Variants in PSMB10 observed in about 807,000 individuals in gnomAD.
PSMB10 encodes proteasome 20S subunit beta 10, also known as proteasome subunit beta type-10.
Under a neutral mutation model 29.8 loss-of-function variants are expected in PSMB10, and 29 were observed. That is an observed-to-expected ratio of 0.97 (90% CI 0.73 to 1.33). The LOEUF is 1.33. Among genes scored for constraint, PSMB10 ranks in the 40% most tolerant of loss-of-function variants. The probability of loss-of-function intolerance (pLI) is 0.00; values close to 1 mark genes in which losing one functional copy is unlikely to be tolerated. For missense variants in PSMB10, 327 were observed against 369.2 expected (o/e 0.89, Z 0.94); for synonymous variants, 157 against 164.7 (o/e 0.95, Z 0.36).
chr16:67,934,960 GGT>G lies in PSMB10; in HGVS notation c.559-14_559-13del, dbSNP rs2151318147. ...TGAGCAGCCTCCAGCTGCGGTGATG[GGT>G]GTGTGAGACCTAACGGGCTCTCTCT... On this transcript the variant is annotated splice_polypyrimidine_tract_variant and intron_variant, in intron 6 of 7. Transcript: ENST00000358514. This position sits in a 1 kb window ranked among gnomAD's most constrained non-coding sequence, Gnocchi z 4.3. The G allele has an allele frequency of 6.2e-7, 1 of 1,608,556 alleles. No homozygotes were observed. The highest frequency in any genetic ancestry group is 2.2e-5 in the East Asian group (1 of 44,884).
rs143136757 is a variant in PSMB10, at chr16:67,936,476, T to C, written c.66A>G (p.Ser22=). ...FSFENCQRNA[S]LERVLPGLKV... is the part of the protein sequence containing the mutation. ...TGAGCCCCGGGAGGACGCGTTCCAA[T>C]GATGCATTTCTGGAAACGGAGGAGG... Residue 22 remains serine, a synonymous_variant, in exon 2 of 8, where the codon TCA becomes TCG. Coordinates refer to ENST00000358514, the MANE Select transcript of PSMB10 (RefSeq NM_002801.4). 8 of 1,613,098 alleles carry C rather than the reference T, an allele frequency of 5.0e-6. No homozygotes were observed. In the African/African-American group the frequency reaches 8.0e-5, roughly 16 times the overall value.
intron 6 of PSMB10, 110 bp from the exon 7 acceptor site, chr16:67,935,058 C>A: frequency 7.1e-7 from 1 of 1,407,700 alleles, no homozygotes; most frequent in Non-Finnish European, 9.6e-7. Context: ...CCTCCAAACC[C>A]CCACTGTGTT....
chr16:67,936,295 G>T lies in PSMB10; in HGVS notation c.162C>A (p.Gly54=), dbSNP rs750076945. Residue 54 remains glycine, a synonymous_variant, in exon 3 of 8, where the codon GGC becomes GGA. Transcript: ENST00000358514. ...AATCGTTAGTGGCTCGCGTATCGGC[G>T]CCCAGAATGACCCCGTCCTGAGGAG... ...GLVFQDGVIL[G]ADTRATNDSV... The T allele has an allele frequency of 1.5e-5, 24 of 1,613,262 alleles. No homozygotes were observed. The highest frequency in any genetic ancestry group is 1.9e-5 in the Non-Finnish European group (22 of 1,179,902).
chr16:67,936,058 C>T lies in PSMB10; in HGVS notation c.288G>A (p.Arg96=). The change falls in exon 4 of 8, where the codon CGG becomes CGA. Residue 96 remains arginine (R), a synonymous_variant. Coordinates refer to ENST00000358514, the MANE Select transcript of PSMB10 (RefSeq NM_002801.4). ...GVAADAEMTT[R]MVASKMELHA... ...GTAGCTCCATCTTGGACGCCACCAT[C>T]CGTGTGGTCATCTCGGCGTCCGCGG... 6.2e-7 allele frequency: 1 copy of T among 1,612,600 alleles called. No homozygotes were observed. The highest frequency in any genetic ancestry group is 1.1e-5 in the South Asian group (1 of 91,078).
rs566999315 is a variant in PSMB10 at position 67,935,129 on chromosome 16, C to G, written c.559-181G>C. The G allele has an allele frequency of 4.9e-6, 4 of 817,216 alleles. No individual in the cohort carries two copies. The East Asian group carries it at 1.1e-4, about 22-fold the overall frequency. 50.6% of individuals were successfully genotyped at this position (817,216 alleles called of 1,614,324 possible). ...TCACCTGCTTCCATCCCACCCCAAA[C>G]AAAATCTAGGCTCCAGACGTTGATA... is the stretch of plus-strand genomic sequence containing the variant. On this transcript the variant is annotated intron_variant, in intron 6 of 7. Transcript: ENST00000358514.
chr16:67,936,802 A>G lies in PSMB10; in HGVS notation c.-53T>C. On this transcript the variant is annotated 5_prime_UTR_variant, in exon 1 of 8. Transcript: ENST00000358514. ...TCGCGGGCGGATGAGTCGGCCAGAC[A>G]AGCGGGGCCAGTGAGCAGCTAAAAA... 1 of 1,472,646 alleles carries G rather than the reference A, an allele frequency of 6.8e-7. No individual in the cohort carries two copies. Among genetic ancestry groups the G allele is most frequent in the East Asian group, 2.5e-5 (1 of 40,544 alleles). 91.2% of individuals were successfully genotyped at this position (1,472,646 alleles called of 1,614,324 possible).
At chr16:67,935,919 C>T (rs1241134061) in intron 4 of PSMB10, 44 bp downstream of exon 4, 7 of 1,587,214 alleles carry the variant, frequency 4.4e-6, no homozygotes, top group Non-Finnish European at 6.0e-6. Flanking sequence ...GGCCCCAACC[C>T]CGTAACTACC....
In PSMB10 at chr16:67,934,740, C is replaced by A. The variant is rs2058256072; in HGVS notation, c.710+57G>T. 3 of 1,610,340 alleles carry A rather than the reference C, an allele frequency of 1.9e-6. No homozygotes were observed. Among genetic ancestry groups the A allele is most frequent in the Non-Finnish European group, 1.7e-6 (2 of 1,176,814 alleles). ...TGGCCCATCCCCTTTTTGCAGCCCC[C>A]TATCTCCCCTGCTATAGCCCCACAC... On this transcript the variant is annotated intron_variant, in intron 7 of 7. Coordinates refer to ENST00000358514, the MANE Select transcript of PSMB10 (RefSeq NM_002801.4). The surrounding 1 kb of genome is among the most constrained non-coding windows in gnomAD (Gnocchi z 4.3).
rs2058255713 is a variant in PSMB10, at chr16:67,934,667, C to T, written c.715G>A (p.Gly239Ser). Residue 239 changes from glycine (G) to serine (S), a missense_variant, in exon 8 of 8, where the codon GGC becomes AGC. Gly to Ser is a moderately conservative substitution (Grantham distance 56, BLOSUM62 0). Transcript: ENST00000358514. This position sits in a 1 kb window ranked among gnomAD's most constrained non-coding sequence, Gnocchi z 4.3. The stretch of plus-strand genomic sequence containing the variant: ...GTTCCAGGCACAAAGTGGTAGCGGC[C>T]AGACCTGGGAGGGAGGAGGGACAGC... ...SSPTEPVKRS[G>S]RYHFVPGTTA... The T allele has an allele frequency of 1.9e-6, 3 of 1,614,084 alleles. No individual in the cohort carries two copies. Among genetic ancestry groups the T allele is most frequent in the Non-Finnish European group, 2.5e-6 (3 of 1,179,978 alleles).
rs780487740 is a variant in PSMB10, at chr16:67,935,486, CAGG to C, written c.500-11_500-9del. ...CCGCGTCCTGACCAGAGCCTGAAGG[CAGG>C]AGAAGCATCTGAAGTCAACCGCTGC... On this transcript the variant is annotated splice_polypyrimidine_tract_variant and intron_variant, in intron 5 of 7. Transcript: ENST00000358514. 6 of 1,614,014 alleles carry C rather than the reference CAGG, an allele frequency of 3.7e-6. No homozygotes were observed. Among genetic ancestry groups the C allele is most frequent in the African/African-American group, 2.7e-5 (2 of 75,062 alleles).
Position 67,934,837 on chromosome 16 carries a change from G to T in PSMB10, c.670C>A (p.Leu224Met). 1 of 1,614,072 alleles carries T rather than the reference G, an allele frequency of 6.2e-7. No individual in the cohort carries two copies. Residue 224 changes from leucine (L) to methionine (M), a missense_variant, in exon 7 of 8, where the codon CTG (leucine) becomes ATG (methionine). Physicochemically the swap from Leu to Met is conservative, Grantham distance 15. Coordinates refer to ENST00000358514, the MANE Select transcript of PSMB10 (RefSeq NM_002801.4). The surrounding 1 kb of genome is among the most constrained non-coding windows in gnomAD (Gnocchi z 4.3). ...ACVITKTGAK[L>M]LRTLSSPTEP... ...GTGGGTGAGCTCAGTGTCCGCAGCA[G>T]CTTGGCGCCAGTCTTTGTGATCACA...
At position 67,936,677 on chromosome 16, in the gene PSMB10, C is replaced by G. The variant is rs961993513; in HGVS notation, c.56+17G>C. The G allele has an allele frequency of 6.5e-7, 1 of 1,549,206 alleles. No homozygotes were observed. Among genetic ancestry groups the G allele is most frequent in the Non-Finnish European group, 8.7e-7 (1 of 1,146,018 alleles). ...GAGGCGGCTCAGGAGTGACCGCCCCCCGCGCCCCCGCTTCACCTTTGGCAG... is the reference window on the plus strand; with the variant it reads ...GAGGCGGCTCAGGAGTGACCGCCCCGCGCGCCCCCGCTTCACCTTTGGCAG... On this transcript the variant is annotated intron_variant, in intron 1 of 7. Coordinates refer to ENST00000358514, the MANE Select transcript of PSMB10 (RefSeq NM_002801.4).
Position 67,936,830 on chromosome 16 carries a change from CCT to C in PSMB10, c.-83_-82del. ...CGGGGCCAGTGAGCAGCTAAAAAGT[CCT>C]CTGCTAGGCTTCACGTCTGTACTTC... is the stretch of plus-strand genomic sequence containing the variant. On this transcript the variant is annotated 5_prime_UTR_variant, in exon 1 of 8. Coordinates refer to ENST00000358514, the MANE Select transcript of PSMB10 (RefSeq NM_002801.4). 8.3e-7 allele frequency: 1 copy of C among 1,211,126 alleles called. No individual in the cohort carries two copies. The highest frequency in any genetic ancestry group is 1.2e-6 in the Non-Finnish European group (1 of 850,300). The allele number at this position is 1,211,126 out of a possible 1,614,324, so 75.0% of individuals were successfully genotyped here.
chr16:67,934,983 T>C lies in PSMB10; in HGVS notation c.559-35A>G. The C allele has an allele frequency of 1.3e-6, 2 of 1,599,100 alleles. No individual in the cohort carries two copies. The highest frequency in any genetic ancestry group is 8.5e-7 in the Non-Finnish European group (1 of 1,177,202). ...TGGGTGTGTGAGACCTAACGGGCTC[T>C]CTCTGCTGTTAACTTAGGCTACAGC... On this transcript the variant is annotated intron_variant, in intron 6 of 7. Coordinates refer to ENST00000358514, the MANE Select transcript of PSMB10 (RefSeq NM_002801.4). The surrounding 1 kb of genome is among the most constrained non-coding windows in gnomAD (Gnocchi z 4.3).
At chr16:67,935,256 T>C (rs1049275446) in intron 6 of PSMB10, 164 bp downstream of exon 6, 4 of 846,184 alleles carry the variant, frequency 4.7e-6, no homozygotes, top group Non-Finnish European at 7.3e-6. Context: ...TTGGACGGTG[T>C]TATGTCGGGA....
Position 67,934,678 on chromosome 16 carries a change from G to GGGA in PSMB10, c.711-10_711-8dup, listed in dbSNP as rs760838471. ...AAAGTGGTAGCGGCCAGACCTGGGA[G>GGGA]GGAGGAGGGACAGCCTCTGAACATG... On this transcript the variant is annotated splice_region_variant and splice_polypyrimidine_tract_variant and intron_variant, in intron 7 of 7. Transcript: ENST00000358514. This position sits in a 1 kb window ranked among gnomAD's most constrained non-coding sequence, Gnocchi z 4.3. 23 of 1,613,772 alleles carry GGGA rather than the reference G, an allele frequency of 1.4e-5. No individual in the cohort carries two copies. Among genetic ancestry groups the GGGA allele is most frequent in the Non-Finnish European group, 1.9e-5 (23 of 1,179,710 alleles).
chr16:67,935,625 C>T lies in PSMB10; in HGVS notation c.456G>A (p.Val152=). The change falls in exon 5 of 8, where the codon GTG becomes GTA. Residue 152 remains valine, a synonymous_variant. Transcript: ENST00000358514. ...VDLTGPQLYG[V]HPHGSYSRLP... ...GACGGCTGTAGGAGCCATGGGGATG[C>T]ACACCGTAGAGCTGCGGTCCAGTCA... 6.2e-7 allele frequency: 1 copy of T among 1,614,226 alleles called. No individual in the cohort carries two copies. Among genetic ancestry groups the T allele is most frequent in the Non-Finnish European group, 8.5e-7 (1 of 1,180,042 alleles).
In PSMB10 at chr16:67,936,328, G is replaced by A. The variant is rs562693856; in HGVS notation, c.145-16C>T. On this transcript the variant is annotated splice_polypyrimidine_tract_variant and intron_variant, in intron 2 of 7. Transcript: ENST00000358514. ...TGACCCCGTCCTGAGGAGAGGGAGG[G>A]ACCGCAGCTTCAGTGCCTGCTCGAT... 1 of 1,611,830 alleles carries A rather than the reference G, an allele frequency of 6.2e-7. No individual in the cohort carries two copies. Among genetic ancestry groups the A allele is most frequent in the Admixed American group, 1.7e-5 (1 of 59,966 alleles).
At position 67,936,686 on chromosome 16, in the gene PSMB10, C is replaced by G; in HGVS notation, c.56+8G>C. 1 of 1,551,816 alleles carries G rather than the reference C, an allele frequency of 6.4e-7. No individual in the cohort carries two copies. The highest frequency in any genetic ancestry group is 8.7e-7 in the Non-Finnish European group (1 of 1,147,244). On this transcript the variant is annotated splice_region_variant and intron_variant, in intron 1 of 7. Transcript: ENST00000358514. Reference sequence around the variant, plus strand: ...CAGGAGTGACCGCCCCCCGCGCCCCCGCTTCACCTTTGGCAGTTCTCGAAG... The same window carrying G: ...CAGGAGTGACCGCCCCCCGCGCCCCGGCTTCACCTTTGGCAGTTCTCGAAG...
Sources: gnomAD v4.1 joint callset for allele counts on GRCh38, gnomAD v4.1.1 for gene constraint, Gnocchi (gnomAD v3.1) non-coding constraint, MANE v1.5 for transcripts, NCBI Gene and HGNC (gene_info 2026-07-23, HGNC 2026-07-21) for gene names.